The following MLLT10 variants were observed in gnomAD, a reference collection of about 807,000 sequenced individuals.
The protein encoded by MLLT10 is MLLT10 histone lysine methyltransferase DOT1L cofactor.
Under a neutral mutation model 129.1 loss-of-function variants are expected in MLLT10, and 30 were observed. That is an observed-to-expected ratio of 0.23 (90% CI 0.17 to 0.32). MLLT10 has a LOEUF of 0.32. MLLT10 is among the 10% of genes least tolerant of loss of function. The pLI is 1.00. For missense variants in MLLT10, 1,119 were observed against 1,268.3 expected, an observed-to-expected ratio of 0.88 and a Z score of 1.79; for synonymous variants, 490 against 446.4, an observed-to-expected ratio of 1.10 and a Z score of -1.23.
At chr10:21,596,437 T>C (rs2043024125) in intron 5 of MLLT10, among the ~76,000 whole-genome samples, 2 of 152,250 alleles carry the variant, frequency 1.3e-5, no homozygotes, top group East Asian at 1.9e-4. Context: ...AAGGGCCTAG[T>C]TTGGTGTCTG....
chr10:21,556,996 AC>A, intron 3 of MLLT10: 1 of 1,487,500 alleles, frequency 6.7e-7, no homozygotes, highest in Non-Finnish European at 8.9e-7. Flanking sequence ...TATATTTCTT[AC>A]AGGGTTTTGT....
At position 21,733,799 on chromosome 10, in the gene MLLT10, G is replaced by A; in HGVS notation, c.2528G>A (p.Ser843Asn). The part of the protein sequence containing the change: ...DLTSSGQSTS[S>N]SSALSTPPPA... ...ACCTCCAGTGGACAAAGTACCAGCA[G>A]CTCATCAGCTCTTTCTACCCCACCT... The change falls in exon 20 of 23, where the codon AGC (serine) becomes AAC (asparagine). Residue 843 changes from serine to asparagine, a missense_variant. Ser to Asn is a conservative substitution (Grantham distance 46). Coordinates refer to ENST00000307729, the MANE Select transcript of MLLT10 (RefSeq NM_001195626.3). The A allele has an allele frequency of 6.2e-7, 1 of 1,613,852 alleles. No homozygotes were observed. The highest frequency in any genetic ancestry group is 1.7e-4 in the Middle Eastern group (1 of 5,984).
At chr10:21,707,189 ATTTTTT>A (rs1199544245) in intron 13 of MLLT10, among the ~76,000 whole-genome samples, 2 of 122,502 alleles carry the variant, frequency 1.6e-5, no homozygotes, top group African/African-American at 6.4e-5. Flanking sequence ...AGTTTAGATG[ATTTTTT>A]TTTTTTTTTT....
intron 8 of MLLT10, among the ~76,000 whole-genome samples, chr10:21,650,752 G>T (rs1564577867): frequency 6.6e-6 from 1 of 152,088 alleles, no homozygotes; most frequent in African/African-American, 2.4e-5. Flanking sequence ...CTTCCAATAT[G>T]TAATTAATTT....
At chr10:21,556,241 G>T (rs556314636) in intron 3 of MLLT10, among the ~76,000 whole-genome samples, 14 of 152,336 alleles carry the variant, frequency 9.2e-5, no homozygotes, top group Admixed American at 3.3e-4. Flanking sequence ...GGGATTACAG[G>T]TGTGAGCCAC....
At chr10:21,583,081 A>T (rs1564453158) in intron 3 of MLLT10, among the ~76,000 whole-genome samples, 1 of 152,142 alleles carries the variant, frequency 6.6e-6, no homozygotes, top group Non-Finnish European at 1.5e-5. Flanking sequence ...GAGGCAGGAG[A>T]ATTGCTTGAA....
chr10:21,570,238 G>A (rs775120818), intron 3 of MLLT10, among the ~76,000 whole-genome samples: 33 of 151,090 alleles, frequency 2.2e-4, no homozygotes, highest in East Asian at 1.9e-3. Flanking sequence ...GTGTGTGTGC[G>A]CGCGTGTGTG....
chr10:21,707,956 G>A (rs891131774), intron 13 of MLLT10, among the ~76,000 whole-genome samples: 2 of 152,132 alleles, frequency 1.3e-5, no homozygotes, highest in African/African-American at 4.8e-5. Context: ...TTTTAGACAG[G>A]TCTTTCTTGC....
At chr10:21,651,909 T>C (rs889070286) in intron 9 of MLLT10, 141 bp downstream of exon 9, 24 of 485,942 alleles carry the variant, frequency 4.9e-5, no homozygotes, top group African/African-American at 4.5e-4. Flanking sequence ...ATTTCTTTTT[T>C]TTTTTTTTTT....
In MLLT10 at chr10:21,556,835, A is replaced by G. The variant is rs1036744059; in HGVS notation, c.240+17923A>G. 3.2e-6 allele frequency: 5 copies of G among 1,554,826 alleles called. No homozygotes were observed. In the African/African-American group the frequency reaches 4.1e-5, roughly 13 times the overall value. On this transcript the variant is annotated intron_variant, in intron 3 of 22. Coordinates refer to ENST00000307729, the MANE Select transcript of MLLT10 (RefSeq NM_001195626.3). Reference sequence around the variant, plus strand: ...TTTCTTCGGTCCTCAGTCATTTACCACTTGTCATATGTCCTTTCTAGTTTC... The same window carrying G: ...TTTCTTCGGTCCTCAGTCATTTACCGCTTGTCATATGTCCTTTCTAGTTTC...
rs370033171 is a variant in MLLT10, at chr10:21,680,904, C to T, written c.1622-428C>T. On this transcript the variant is annotated intron_variant, in intron 11 of 22. Transcript: ENST00000307729. ...GGAGGATCACTTGAACCCAGTGAGC[C>T]GAGCTTGCGCCACTGCACTCCATCC... 1.3e-4 allele frequency among the ~76,000 whole-genome samples: 19 copies of T among 150,878 alleles called. No homozygotes were observed. In the East Asian group the frequency reaches 1.6e-3, roughly 12 times the overall value.
intron 13 of MLLT10, among the ~76,000 whole-genome samples, chr10:21,698,562 T>C (rs1446834965): frequency 6.6e-6 from 1 of 152,224 alleles, no homozygotes; most frequent in Non-Finnish European, 1.5e-5. Flanking sequence ...GATATGCTCA[T>C]TTCTTTTACT....
intron 8 of MLLT10, among the ~76,000 whole-genome samples, chr10:21,640,360 A>ATG (rs980425218): frequency 6.8e-6 from 1 of 147,520 alleles, no homozygotes; most frequent in Non-Finnish European, 1.5e-5. Flanking sequence ...ACACACATAT[A>ATG]TGTGTGTGTG....
intron 16 of MLLT10, among the ~76,000 whole-genome samples, chr10:21,730,283 C>T (rs10828265): frequency 0.53 from 76,001 of 142,534 alleles, 21,012 homozygotes; most frequent in East Asian, 0.94. Flanking sequence ...GCATGGCTGA[C>T]GAAGTGAGAC....
intron 9 of MLLT10, among the ~76,000 whole-genome samples, chr10:21,663,757 G>A (rs932490209): frequency 2.0e-5 from 3 of 151,930 alleles, no homozygotes; most frequent in Non-Finnish European, 2.9e-5. Context: ...TAGTAGAGAC[G>A]GGGTTTCACC....
intron 4 of MLLT10, among the ~76,000 whole-genome samples, chr10:21,589,700 A>G (rs2042316876): frequency 6.6e-6 from 1 of 152,028 alleles, no homozygotes; most frequent in African/African-American, 2.4e-5. Flanking sequence ...TTTCTTTAAG[A>G]ATTATAGTGG....
intron 14 of MLLT10, among the ~76,000 whole-genome samples, chr10:21,717,551 T>C (rs1429203646): frequency 4.9e-5 from 5 of 101,448 alleles, no homozygotes; most frequent in South Asian, 3.8e-4. Flanking sequence ...CCCTTCTTCT[T>C]TCTTCTTCTT....
At chr10:21,536,042 G>A (rs1362462952) in intron 2 of MLLT10, among the ~76,000 whole-genome samples, 1 of 152,104 alleles carries the variant, frequency 6.6e-6, no homozygotes, top group Admixed American at 6.6e-5. Flanking sequence ...GGGTTCAAGC[G>A]ATTGATTCTC....
upstream of MLLT10, among the ~76,000 whole-genome samples, chr10:21,533,946 A>G (rs1367056281): frequency 1.3e-5 from 2 of 151,902 alleles, no homozygotes; most frequent in Admixed American, 6.6e-5. Context: ...GCCACCTCCC[A>G]GGCCTCTTCC....
Sources: allele counts gnomAD v4.1 joint callset (sites outside exome capture counted in the v4.1 genomes callset), GRCh38; gene constraint gnomAD v4.1.1; transcripts MANE v1.5; gene names NCBI Gene and HGNC (gene_info 2026-07-23, HGNC 2026-07-21).